ROBO1: variants seen among roughly 807,000 people sequenced by gnomAD.
ROBO1 encodes roundabout guidance receptor 1.
A neutral mutation model predicts 195.9 loss-of-function variants in ROBO1; 149 were observed. That is an observed-to-expected ratio of 0.76 (90% confidence interval 0.67 to 0.87). The LOEUF is 0.87. Among genes scored for constraint, ROBO1 ranks in the 40% least tolerant of loss-of-function variants. The pLI, the probability that ROBO1 is intolerant of heterozygous loss-of-function variation, is 0.00. For missense variants in ROBO1, 1,933 were observed against 2,068.3 expected (o/e 0.93, Z 1.27); for synonymous variants, 816 against 733.2 (o/e 1.11, Z -1.82).
chr3:79,385,416 G>A (rs1165515908), intron 2 of ROBO1, among the ~76,000 whole-genome samples: 1 of 152,084 alleles, frequency 6.6e-6, no homozygotes, highest in Non-Finnish European at 1.5e-5. Flanking sequence ...GTATGTTGGT[G>A]AAGATAAACT....
chr3:79,234,627 A>G (rs2082376350), intron 2 of ROBO1, among the ~76,000 whole-genome samples: 2 of 152,192 alleles, frequency 1.3e-5, no homozygotes, highest in Non-Finnish European at 2.9e-5. Context: ...TACACCATGG[A>G]ATACTATGCA....
chr3:78,680,906 C>A (rs1203225708), intron 10 of ROBO1, among the ~76,000 whole-genome samples: 2 of 149,942 alleles, frequency 1.3e-5, no homozygotes, highest in Non-Finnish European at 3.0e-5. Flanking sequence ...CAGCACTATT[C>A]ACAATAGCAA....
chr3:78,832,213 C>T (rs2032289636), intron 4 of ROBO1, among the ~76,000 whole-genome samples: 1 of 152,202 alleles, frequency 6.6e-6, no homozygotes, highest in Non-Finnish European at 1.5e-5. Flanking sequence ...CATTCAGTAA[C>T]TCATAGATGA....
chr3:79,528,812 G>A (rs1398095282), intron 2 of ROBO1, among the ~76,000 whole-genome samples: 2 of 152,184 alleles, frequency 1.3e-5, no homozygotes, highest in African/African-American at 4.8e-5. Context: ...CAGCGATGCA[G>A]CTGAATTCCT....
At chr3:79,245,326 A>G (rs1186616025) in intron 2 of ROBO1, among the ~76,000 whole-genome samples, 1 of 152,134 alleles carries the variant, frequency 6.6e-6, no homozygotes, top group Non-Finnish European at 1.5e-5. Flanking sequence ...TTTCAAATTT[A>G]TACTTCATAC....
At chr3:79,618,679 C>T (rs1004519323) in intron 1 of ROBO1, among the ~76,000 whole-genome samples, 8 of 152,110 alleles carry the variant, frequency 5.3e-5, no homozygotes, top group Admixed American at 3.3e-4. Context: ...AGCCTTTTTG[C>T]TCACAGAAAG....
At chr3:79,019,492 C>G in intron 3 of ROBO1, 2 of 986,242 alleles carry the variant, frequency 2.0e-6, no homozygotes, top group Non-Finnish European at 2.4e-6. Flanking sequence ...CCCCGCGGCT[C>G]CCAGTTCCCT....
chr3:79,038,669 C>A lies in ROBO1; in HGVS notation c.172+86787G>T, dbSNP rs568625852. 2.8e-5 allele frequency among the ~76,000 whole-genome samples: 4 copies of A among 144,670 alleles called. No homozygotes were observed. In the East Asian group the frequency reaches 6.4e-4, roughly 23 times the overall value. 94.9% of individuals were successfully genotyped at this position (144,670 alleles called of 152,430 possible). ...TCCTACAATGATTTTAAAATTCAGTCAAAAATAATCTATGAAACATTAAAA... is the reference window on the plus strand; with the variant it reads ...TCCTACAATGATTTTAAAATTCAGTAAAAAATAATCTATGAAACATTAAAA... On this transcript the variant is annotated intron_variant, in intron 3 of 30. Transcript: ENST00000464233.
At chr3:79,601,344 C>T (rs879876567) in intron 1 of ROBO1, among the ~76,000 whole-genome samples, 15 of 151,850 alleles carry the variant, frequency 9.9e-5, no homozygotes, top group Non-Finnish European at 2.2e-4. Context: ...TCAAATGAAA[C>T]AAAATGTAAA....
intron 3 of ROBO1, among the ~76,000 whole-genome samples, chr3:79,068,422 C>T (rs933330901): frequency 2.6e-5 from 4 of 151,818 alleles, no homozygotes; most frequent in Admixed American, 1.3e-4. Flanking sequence ...CAGCAATTGG[C>T]TTTATTTCAA....
At chr3:79,403,777 A>G (rs190691153) in intron 2 of ROBO1, among the ~76,000 whole-genome samples, 187 of 152,196 alleles carry the variant, frequency 1.2e-3, no homozygotes, top group African/African-American at 3.5e-3. Flanking sequence ...AAAATGATGT[A>G]GACTCCATTT....
At chr3:79,486,013 C>T (rs1376377705) in intron 2 of ROBO1, among the ~76,000 whole-genome samples, 2 of 152,128 alleles carry the variant, frequency 1.3e-5, no homozygotes, top group African/African-American at 4.8e-5. Flanking sequence ...ACCACTTAAC[C>T]TGAATTTCAA....
At chr3:79,638,356 A>T in intron 1 of ROBO1, among the ~76,000 whole-genome samples, 1 of 152,172 alleles carries the variant, frequency 6.6e-6, no homozygotes, top group Non-Finnish European at 1.5e-5. Context: ...AAATAAAACC[A>T]TATGTATATT....
intron 2 of ROBO1, among the ~76,000 whole-genome samples, chr3:79,433,169 C>T (rs1025035411): frequency 6.6e-6 from 1 of 152,046 alleles, no homozygotes; most frequent in African/African-American, 2.4e-5. Context: ...TGATGCTCTT[C>T]CTCTTCCCAC....
chr3:79,018,653 A>T, intron 3 of ROBO1: 1 of 1,410,080 alleles, frequency 7.1e-7, no homozygotes. Context: ...AGACTTTTGC[A>T]GAGGAAGAAT....
chr3:79,499,605 A>G (rs1017055005), intron 2 of ROBO1, among the ~76,000 whole-genome samples: 1 of 152,200 alleles, frequency 6.6e-6, no homozygotes, highest in Non-Finnish European at 1.5e-5. Flanking sequence ...AGATCATTAA[A>G]CACAGAATAA....
intron 2 of ROBO1, among the ~76,000 whole-genome samples, chr3:79,541,512 A>C (rs1221445458): frequency 6.6e-6 from 1 of 152,098 alleles, no homozygotes; most frequent in Non-Finnish European, 1.5e-5. Context: ...TTCTTTAAGG[A>C]CAGAAATATG....
chr3:78,982,504 G>C (rs779601594), intron 3 of ROBO1, among the ~76,000 whole-genome samples: 28 of 152,074 alleles, frequency 1.8e-4, no homozygotes, highest in Non-Finnish European at 3.7e-4. Flanking sequence ...CTAGTACTGG[G>C]TTTAAAATTG....
At chr3:78,711,364 TTC>T (rs1485717413) in intron 8 of ROBO1, among the ~76,000 whole-genome samples, 142 of 39,556 alleles carry the variant, frequency 3.6e-3, no homozygotes, top group African/African-American at 0.013. Context: ...CCTTCCTTCC[TTC>T]CTTCCTTCCT....
Sources: allele counts gnomAD v4.1 joint callset (sites outside exome capture counted in the v4.1 genomes callset), GRCh38; gene constraint gnomAD v4.1.1; transcripts MANE v1.5; gene names NCBI Gene and HGNC (gene_info 2026-07-23, HGNC 2026-07-21).